Variants in SEPSECS observed in about 807,000 individuals in gnomAD.
SEPSECS encodes Sep (O-phosphoserine) tRNA:Sec (selenocysteine) tRNA synthase.
A neutral mutation model predicts 52.1 loss-of-function variants in SEPSECS; 42 were observed. The observed-to-expected ratio is 0.81, with a 90% CI of 0.63 to 1.04. The LOEUF is 1.04. Ranked by LOEUF, SEPSECS falls within the 50% of genes least tolerant of loss-of-function variation. The pLI, the probability that SEPSECS is intolerant of heterozygous loss-of-function variation, is 0.00. For synonymous variants in SEPSECS, 216 were observed against 211.4 expected, an observed-to-expected ratio of 1.02 and a Z score of -0.19; for missense variants, 590 against 610.6, an observed-to-expected ratio of 0.97 and a Z score of 0.36.
chr4:25,158,153 A>G (rs1215568154), intron 2 of SEPSECS, among the ~76,000 whole-genome samples: 1 of 152,218 alleles, frequency 6.6e-6, no homozygotes, highest in African/African-American at 2.4e-5. Flanking sequence ...TGTACAAAAC[A>G]TTTCTTACAT....
chr4:25,126,471 C>T (rs1728376919), intron 9 of SEPSECS, among the ~76,000 whole-genome samples: 1 of 152,180 alleles, frequency 6.6e-6, no homozygotes, highest in Non-Finnish European at 1.5e-5. Context: ...GAAGCCCATT[C>T]CTAAAAAAGG....
chr4:25,157,994 G>C (rs1463420813), intron 2 of SEPSECS, among the ~76,000 whole-genome samples: 1 of 152,042 alleles, frequency 6.6e-6, no homozygotes, highest in African/African-American at 2.4e-5. Context: ...ATTATACATT[G>C]TTTAAAGATA....
chr4:25,133,593 A>G (rs937520659), intron 8 of SEPSECS, among the ~76,000 whole-genome samples: 5 of 152,230 alleles, frequency 3.3e-5, no homozygotes, highest in African/African-American at 1.2e-4. Context: ...CACAAGACAG[A>G]ACATCAAGAC....
At chr4:25,131,203 C>T (rs573654892) in intron 8 of SEPSECS, among the ~76,000 whole-genome samples, 7 of 152,204 alleles carry the variant, frequency 4.6e-5, no homozygotes, top group East Asian at 1.9e-4. Context: ...ACATCTAGCC[C>T]GTCTCTCCCA....
chr4:25,158,379 TATTAACTACCA>T (rs58920850), intron 2 of SEPSECS, among the ~76,000 whole-genome samples: 25,556 of 152,096 alleles, frequency 0.17, 2,197 homozygotes, highest in East Asian at 0.3. Context: ...TGAGTGATCA[TATTAACTACCA>T]ATTAACTACC....
chr4:25,129,935 T>C (rs774090087), intron 8 of SEPSECS, among the ~76,000 whole-genome samples: 3 of 152,200 alleles, frequency 2.0e-5, no homozygotes, highest in Admixed American at 6.5e-5. Flanking sequence ...TAAATGCTGA[T>C]TTTTCTTCAC....
At chr4:25,134,233 A>G (rs1048136524) in intron 8 of SEPSECS, among the ~76,000 whole-genome samples, 2 of 149,618 alleles carry the variant, frequency 1.3e-5, no homozygotes, top group African/African-American at 4.9e-5. Context: ...AGTCTTAGCT[A>G]CTTGGGAGGC....
chr4:25,141,993 T>G (rs1265008611), intron 8 of SEPSECS, among the ~76,000 whole-genome samples: 11 of 152,332 alleles, frequency 7.2e-5, no homozygotes, highest in African/African-American at 2.6e-4. Context: ...GTCACGGTAT[T>G]GGGCTGGGCA....
chr4:25,136,682 T>C (rs1249963692), intron 8 of SEPSECS, among the ~76,000 whole-genome samples: 1 of 152,028 alleles, frequency 6.6e-6, no homozygotes. Context: ...CAAACTACCG[T>C]TGACATTCTT....
At position 25,121,890 on chromosome 4, in the gene SEPSECS, C is replaced by G. The variant is rs565707576; in HGVS notation, c.*2041G>C. The G allele has an allele frequency of 6.6e-6, 1 of 152,294 alleles. No homozygotes were observed. Among genetic ancestry groups the G allele is most frequent in the African/African-American group, 2.4e-5 (1 of 41,580 alleles). 9.4% of individuals were successfully genotyped at this position (152,294 alleles called of 1,614,324 possible). On this transcript the variant is annotated 3_prime_UTR_variant, in exon 11 of 11. Coordinates refer to ENST00000382103, the MANE Select transcript of SEPSECS (RefSeq NM_016955.4). ...CAGATGAGAAAACATTTGCTACTCT[C>G]CCAGCTCTGGCCTTTCTTAAGCTAA...
At chr4:25,160,557 C>T, upstream of SEPSECS, 2 of 512,856 alleles carry the variant, frequency 3.9e-6, no homozygotes, top group South Asian at 3.0e-5. Flanking sequence ...TCTCAGATGG[C>T]GCTCCAGGAG....
chr4:25,133,464 A>G (rs1728694187), intron 8 of SEPSECS, among the ~76,000 whole-genome samples: 1 of 152,232 alleles, frequency 6.6e-6, no homozygotes. Context: ...ATATTCCTGC[A>G]GGTCATTTCC....
rs76011432 is a variant in SEPSECS at position 25,154,686 on chromosome 4, C to A, written c.701+312G>T. On this transcript the variant is annotated intron_variant, in intron 5 of 10. Coordinates refer to ENST00000382103, the MANE Select transcript of SEPSECS (RefSeq NM_016955.4). ...AACATTTAGCTTAGAAAAGAAACTT[C>A]TATTAAATAATAAGAAAAAACATGC... Among the ~76,000 whole-genome samples the A allele has an allele frequency of 8.7e-4, 132 of 151,980 alleles. 3 individuals carry two copies. In the East Asian group the frequency reaches 0.023, roughly 27 times the overall value.
chr4:25,134,373 T>C (rs1352641877), intron 8 of SEPSECS, among the ~76,000 whole-genome samples: 2 of 151,552 alleles, frequency 1.3e-5, no homozygotes, highest in African/African-American at 4.9e-5. Flanking sequence ...GCTTTCTGAC[T>C]AATTTTCCAG....
chr4:25,157,843 C>A (rs1712785197), intron 2 of SEPSECS, among the ~76,000 whole-genome samples: 1 of 152,168 alleles, frequency 6.6e-6, no homozygotes, highest in African/African-American at 2.4e-5. Flanking sequence ...CCGTGCCCGG[C>A]CAAATTATCT....
intron 4 of SEPSECS, among the ~76,000 whole-genome samples, chr4:25,155,610 C>G (rs1442442070): frequency 1.3e-5 from 2 of 152,080 alleles, no homozygotes; most frequent in Non-Finnish European, 2.9e-5. Flanking sequence ...CTCAGTGAAA[C>G]AAATCACAAT....
At position 25,125,755 on chromosome 4, in the gene SEPSECS, G is replaced by A. The variant is rs373671252; in HGVS notation, c.1150C>T (p.Arg384Cys). The A allele has an allele frequency of 2.0e-5, 33 of 1,612,456 alleles. No individual in the cohort carries two copies. The highest frequency in any genetic ancestry group is 2.5e-5 in the Non-Finnish European group (29 of 1,179,104). Reference sequence around the variant, plus strand: ...CCAAGCTGAGTGACAGCTTTGTCACGGTGTTCATCTAGTGTTTTAAGTGTC... The same window carrying A: ...CCAAGCTGAGTGACAGCTTTGTCACAGTGTTCATCTAGTGTTTTAAGTGTC... ...AMTLKTLDEH[R>C]DKAVTQLGSM... Residue 384 changes from arginine to cysteine, a missense_variant, in exon 10 of 11, where the codon CGT (arginine) becomes TGT (cysteine). By Grantham distance (180) the Arg-to-Cys change is radical. Transcript: ENST00000382103.
rs1017882308 is a variant in SEPSECS, at chr4:25,121,446, T to C, written c.*2485A>G. 1 of 152,144 alleles carries C rather than the reference T, an allele frequency of 6.6e-6. No individual in the cohort carries two copies. Among genetic ancestry groups the C allele is most frequent in the Non-Finnish European group, 1.5e-5 (1 of 67,988 alleles). The allele number at this position is 152,144 out of a possible 1,614,324, so 9.4% of individuals were successfully genotyped here. A position where few individuals can be genotyped will look rare whatever the true frequency, so the allele number is the denominator to read the frequency against. ...TAGAAGAGGTTATCTTCGGCAATGA[T>C]TGGTAATGTATCATCCACTGCCTTC... is the stretch of plus-strand genomic sequence containing the variant. On this transcript the variant is annotated 3_prime_UTR_variant, in exon 11 of 11. Coordinates refer to ENST00000382103, the MANE Select transcript of SEPSECS (RefSeq NM_016955.4).
intron 9 of SEPSECS, among the ~76,000 whole-genome samples, chr4:25,126,771 T>A (rs1728390208): frequency 6.6e-6 from 1 of 152,128 alleles, no homozygotes; most frequent in Non-Finnish European, 1.5e-5. Flanking sequence ...TAAGAAAAGA[T>A]TTAATTTCTG....
Sources: allele counts gnomAD v4.1 joint callset (sites outside exome capture counted in the v4.1 genomes callset), GRCh38; gene constraint gnomAD v4.1.1; transcripts MANE v1.5; gene names NCBI Gene and HGNC (gene_info 2026-07-23, HGNC 2026-07-21).